MAML3: variants seen among roughly 807,000 people sequenced by gnomAD.
MAML3 encodes mastermind-like protein 3.
A neutral mutation model predicts 101.9 loss-of-function variants in MAML3; 27 were observed. The ratio of observed to expected loss-of-function variants is 0.27; its 90% CI spans 0.20 to 0.37. The LOEUF (loss-of-function observed/expected upper bound fraction) is 0.37. Among genes scored for constraint, MAML3 ranks in the 10% least tolerant of loss-of-function variants. The pLI is 1.00. For missense variants in MAML3, 1,316 were observed against 1,444.9 expected (o/e 0.91, Z 1.45); for synonymous variants, 501 against 555.9 (o/e 0.90, Z 1.39).
At chr4:139,876,194 T>G (rs1231211480) in intron 2 of MAML3, among the ~76,000 whole-genome samples, 1 of 152,220 alleles carries the variant, frequency 6.6e-6, no homozygotes, top group East Asian at 1.9e-4. Context: ...AACATAATCA[T>G]ATTTTAAATA....
intron 2 of MAML3, among the ~76,000 whole-genome samples, chr4:139,775,361 G>A (rs1281373207): frequency 6.6e-6 from 1 of 152,204 alleles, no homozygotes; most frequent in Non-Finnish European, 1.5e-5. Flanking sequence ...AAGGATGAGA[G>A]TAACCCTTCA....
chr4:140,046,621 T>C (rs1224628300), intron 1 of MAML3, among the ~76,000 whole-genome samples: 7 of 152,214 alleles, frequency 4.6e-5, no homozygotes, highest in Non-Finnish European at 7.3e-5. Flanking sequence ...ATTTCTTCAG[T>C]GCCTACTGGC....
At chr4:139,963,374 G>A (rs549238539) in intron 1 of MAML3, among the ~76,000 whole-genome samples, 6 of 152,300 alleles carry the variant, frequency 3.9e-5, no homozygotes, top group South Asian at 4.1e-4. Flanking sequence ...TGTAGAAAGC[G>A]TCTATTTGAT....
chr4:139,864,938 T>TTTTTTTTTTTTTTTTTTTTTTC (rs1731868124), intron 2 of MAML3, among the ~76,000 whole-genome samples: 1 of 144,038 alleles, frequency 6.9e-6, no homozygotes, highest in African/African-American at 2.6e-5. Flanking sequence ...TTTTTTTTTT[T>TTTTTTTTTTTTTTTTTTTTTTC]TTTTTTTTTT....
intron 1 of MAML3, among the ~76,000 whole-genome samples, chr4:139,896,130 G>C (rs745700571): frequency 6.6e-6 from 1 of 152,096 alleles, no homozygotes; most frequent in Non-Finnish European, 1.5e-5. Flanking sequence ...AGAGGGAGGC[G>C]GAGAGGGAGA....
intron 1 of MAML3, among the ~76,000 whole-genome samples, chr4:140,007,874 T>C (rs1013126119): frequency 6.6e-6 from 1 of 152,242 alleles, no homozygotes; most frequent in African/African-American, 2.4e-5. Flanking sequence ...GACACGGCCC[T>C]GTAGGTCACC....
chr4:139,866,947 A>C (rs1256796262), intron 2 of MAML3, among the ~76,000 whole-genome samples: 1 of 152,214 alleles, frequency 6.6e-6, no homozygotes, highest in Non-Finnish European at 1.5e-5. Flanking sequence ...CAGGGACCAC[A>C]TGTTAAGCTT....
chr4:139,840,302 T>C (rs778612319), intron 2 of MAML3, among the ~76,000 whole-genome samples: 1 of 152,190 alleles, frequency 6.6e-6, no homozygotes, highest in African/African-American at 2.4e-5. Flanking sequence ...AGTTGGTAAA[T>C]TCCAGGCCAG....
chr4:139,852,403 G>GTTTTTTTTTTTTTTTTTTGTTTT (rs1731573597), intron 2 of MAML3, among the ~76,000 whole-genome samples: 3 of 68,326 alleles, frequency 4.4e-5, no homozygotes, highest in African/African-American at 2.0e-4. Flanking sequence ...TCAGAAGACT[G>GTTTTTTTTTTTTTTTTTTGTTTT]TTTTTTTTTT....
At chr4:139,765,900 T>C (rs1344364322) in intron 2 of MAML3, among the ~76,000 whole-genome samples, 1 of 152,026 alleles carries the variant, frequency 6.6e-6, no homozygotes, top group Non-Finnish European at 1.5e-5. Context: ...AGTGGGAGGA[T>C]TGCTTGAGCC....
intron 1 of MAML3, among the ~76,000 whole-genome samples, chr4:140,073,672 C>T (rs1727703327): frequency 6.6e-6 from 1 of 152,196 alleles, no homozygotes; most frequent in Admixed American, 6.5e-5. Flanking sequence ...GCAACATTCA[C>T]AGCTTCTAAA....
chr4:139,857,323 T>A (rs1033428075), intron 2 of MAML3, among the ~76,000 whole-genome samples: 5 of 152,152 alleles, frequency 3.3e-5, no homozygotes, highest in African/African-American at 1.2e-4. Flanking sequence ...AGACAGAGGA[T>A]GAGAGGGCGC....
chr4:140,048,861 A>C (rs975033018), intron 1 of MAML3, among the ~76,000 whole-genome samples: 1 of 152,174 alleles, frequency 6.6e-6, no homozygotes, highest in Non-Finnish European at 1.5e-5. Flanking sequence ...TACTTTGCTA[A>C]TTTTTACATT....
intron 3 of MAML3, among the ~76,000 whole-genome samples, chr4:139,729,620 G>A (rs1284539212): frequency 6.6e-6 from 1 of 152,168 alleles, no homozygotes. Flanking sequence ...CCTCACAGAA[G>A]CCGCCTGGGG....
chr4:140,104,512 G>A (rs1421536647), intron 1 of MAML3, among the ~76,000 whole-genome samples: 1 of 131,382 alleles, frequency 7.6e-6, no homozygotes, highest in East Asian at 2.2e-4. Context: ...TTGCTCTGTG[G>A]CTCAGGCTGG....
At chr4:139,799,693 T>C (rs1560797976) in intron 2 of MAML3, among the ~76,000 whole-genome samples, 1 of 152,250 alleles carries the variant, frequency 6.6e-6, no homozygotes, top group East Asian at 1.9e-4. Flanking sequence ...TTCTTATCTT[T>C]CCCCCAAGGT....
intron 2 of MAML3, among the ~76,000 whole-genome samples, chr4:139,803,676 G>C (rs1193786125): frequency 3.3e-5 from 5 of 152,142 alleles, no homozygotes; most frequent in Admixed American, 3.3e-4. Context: ...TTCTCCCAGA[G>C]TCATGATGAA....
intron 1 of MAML3, among the ~76,000 whole-genome samples, chr4:139,950,593 A>G (rs934648790): frequency 2.0e-5 from 3 of 152,200 alleles, no homozygotes; most frequent in African/African-American, 7.2e-5. Flanking sequence ...TCTTATAAGA[A>G]AAGATAAAGT....
At chr4:140,053,169 C>A (rs1727296434) in intron 1 of MAML3, among the ~76,000 whole-genome samples, 1 of 152,126 alleles carries the variant, frequency 6.6e-6, no homozygotes, top group Non-Finnish European at 1.5e-5. Flanking sequence ...CCACCGACAA[C>A]TGGTGCTCCT....
Sources: gnomAD v4.1 joint callset for allele counts (sites outside exome capture counted in the v4.1 genomes callset) on GRCh38, gnomAD v4.1.1 for gene constraint, MANE v1.5 for transcripts, NCBI Gene and HGNC (gene_info 2026-07-23, HGNC 2026-07-21) for gene names.